Variants in LPCAT1 observed in about 807,000 individuals in gnomAD.
LPCAT1 encodes the protein lysophosphatidylcholine acyltransferase 1.
In LPCAT1, 23 loss-of-function variants were observed where a neutral mutation model predicts 60.9. That is an observed-to-expected ratio of 0.38 (90% confidence interval 0.27 to 0.53). The LOEUF is 0.53. Ranked by LOEUF, LPCAT1 falls within the 20% of genes least tolerant of loss-of-function variation. The pLI is 0.82. For synonymous variants in LPCAT1, 340 were observed against 301.1 expected (o/e 1.13, Z -1.34); for missense variants, 622 against 723.6 (o/e 0.86, Z 1.61).
rs1293152335 is a variant in LPCAT1 at position 1,487,085 on chromosome 5, G to C, written c.667+1306C>G. Among the ~76,000 whole-genome samples the C allele has an allele frequency of 6.6e-6, 1 of 152,170 alleles. No homozygotes were observed. The highest frequency in any genetic ancestry group is 1.5e-5 in the Non-Finnish European group (1 of 68,026). On this transcript the variant is annotated intron_variant, in intron 5 of 13. Coordinates refer to ENST00000283415, the MANE Select transcript of LPCAT1 (RefSeq NM_024830.5). This position sits in a 1 kb window ranked among gnomAD's most constrained non-coding sequence, Gnocchi z 6.1. ...TCCCCAGGGGCCTCCCTGCAGGCAC[G>C]AGGCTCCACTCCCGAGGAACACCTG... is the stretch of plus-strand genomic sequence containing the variant.
intron 13 of LPCAT1, among the ~76,000 whole-genome samples, chr5:1,465,555 A>G (rs944455789): frequency 2.0e-5 from 3 of 150,332 alleles, no homozygotes; most frequent in Non-Finnish European, 4.4e-5. Flanking sequence ...AACTAAACAC[A>G]CATGCCCATG....
chr5:1,467,232 A>AGC (rs1734453639), intron 12 of LPCAT1: 1 of 270,142 alleles, frequency 3.7e-6, no homozygotes, highest in Non-Finnish European at 6.9e-6. Flanking sequence ...GCCACGGGCG[A>AGC]GCGCGGCGCA....
chr5:1,467,114 T>A, intron 12 of LPCAT1: 1 of 408,690 alleles, frequency 2.4e-6, no homozygotes. Context: ...ACACAGCAGA[T>A]GCTTCTCGGG....
At chr5:1,488,476 T>G in intron 4 of LPCAT1, 25 bp from the exon 5 acceptor site, 1 of 1,512,038 alleles carries the variant, frequency 6.6e-7, no homozygotes, top group Non-Finnish European at 9.1e-7. Flanking sequence ...AAGAAAAGGA[T>G]CAGCATTAAA....
intron 1 of LPCAT1, among the ~76,000 whole-genome samples, chr5:1,503,609 C>T (rs569060186): frequency 2.0e-5 from 3 of 152,332 alleles, no homozygotes; most frequent in South Asian, 4.1e-4. Context: ...CGCGCCTGTC[C>T]GCTCCTGTCA....
chr5:1,508,264 G>A (rs141408154), intron 1 of LPCAT1, among the ~76,000 whole-genome samples: 1 of 152,332 alleles, frequency 6.6e-6, no homozygotes, highest in Non-Finnish European at 1.5e-5. Context: ...CAGGTCCCAG[G>A]CCCACTGTAT....
In LPCAT1 at chr5:1,462,888, T is replaced by G. The variant is rs1226311049; in HGVS notation, c.*763A>C. On this transcript the variant is annotated 3_prime_UTR_variant, in exon 14 of 14. Transcript: ENST00000283415. The stretch of plus-strand genomic sequence containing the variant: ...ATTAAGAAAAGCAGAAAAAGTGTTT[T>G]GGGGCTAGGCCCTTGAGTTCACACC... The G allele has an allele frequency of 2.0e-5, 3 of 152,114 alleles. No homozygotes were observed. Among genetic ancestry groups the G allele is most frequent in the African/African-American group, 7.2e-5 (3 of 41,420 alleles). 9.4% of individuals were successfully genotyped at this position (152,114 alleles called of 1,614,324 possible).
In LPCAT1 at chr5:1,483,512, G is replaced by A. The variant is rs1231058815; in HGVS notation, c.668-26C>T. 4 of 1,610,972 alleles carry A rather than the reference G, an allele frequency of 2.5e-6. No individual in the cohort carries two copies. The highest frequency in any genetic ancestry group is 1.3e-5 in the African/African-American group (1 of 74,874). On this transcript the variant is annotated intron_variant, in intron 5 of 13. Coordinates refer to ENST00000283415, the MANE Select transcript of LPCAT1 (RefSeq NM_024830.5). The surrounding 1 kb of genome is among the most constrained non-coding windows in gnomAD (Gnocchi z 9.2). ...CTGCCGAGAAAGGAACAGCGGTGTTGCCCATGGCAGCCCACGCAGGACAGC... is the reference window on the plus strand; with the variant it reads ...CTGCCGAGAAAGGAACAGCGGTGTTACCCATGGCAGCCCACGCAGGACAGC...
intron 13 of LPCAT1, among the ~76,000 whole-genome samples, chr5:1,466,218 C>T (rs868022608): frequency 6.6e-6 from 1 of 152,216 alleles, no homozygotes; most frequent in Admixed American, 6.5e-5. Flanking sequence ...CCGCCATTAC[C>T]GACAGCTCGT....
At position 1,494,691 on chromosome 5, in the gene LPCAT1, C is replaced by T. The variant is rs1051564754; in HGVS notation, c.493+9G>A. ...GGTCCCTCACTCCCAGCAGGGGTGT[C>T]TCACTCACTTCCCCAGATCGGGATG... On this transcript the variant is annotated intron_variant, in intron 3 of 13. Transcript: ENST00000283415. The T allele has an allele frequency of 1.2e-6, 2 of 1,613,358 alleles. No individual in the cohort carries two copies. The highest frequency in any genetic ancestry group is 1.7e-4 in the Middle Eastern group (1 of 6,060).
In LPCAT1 at chr5:1,483,358, A is replaced by G; in HGVS notation, c.726+70T>C. 1 of 1,480,052 alleles carries G rather than the reference A, an allele frequency of 6.8e-7. No homozygotes were observed. Among genetic ancestry groups the G allele is most frequent in the Non-Finnish European group, 9.4e-7 (1 of 1,058,500 alleles). 91.7% of individuals were successfully genotyped at this position (1,480,052 alleles called of 1,614,324 possible). On this transcript the variant is annotated intron_variant, in intron 6 of 13. Transcript: ENST00000283415. This position sits in a 1 kb window ranked among gnomAD's most constrained non-coding sequence, Gnocchi z 9.2. ...TGGAGAGACAGAGACACAGGTGCAC[A>G]GAGGCAGCTCGCAGTTCCCGTTTCC...
chr5:1,481,228 T>A lies in LPCAT1; in HGVS notation c.727-252A>T, dbSNP rs1179906265. ...ACCACCACCTTACAGGTCCCCAGAG[T>A]TCCCCCAAGATCCCCAGAGTCCCTG... On this transcript the variant is annotated intron_variant, in intron 6 of 13. Coordinates refer to ENST00000283415, the MANE Select transcript of LPCAT1 (RefSeq NM_024830.5). This position sits in a 1 kb window ranked among gnomAD's most constrained non-coding sequence, Gnocchi z 7.8. Among the ~76,000 whole-genome samples, 1 of 151,572 alleles carries A rather than the reference T, an allele frequency of 6.6e-6. No homozygotes were observed. Among genetic ancestry groups the A allele is most frequent in the African/African-American group, 2.4e-5 (1 of 41,192 alleles).
chr5:1,499,613 C>T (rs957629676), intron 2 of LPCAT1, among the ~76,000 whole-genome samples: 1 of 152,178 alleles, frequency 6.6e-6, no homozygotes, highest in Non-Finnish European at 1.5e-5. Flanking sequence ...AACTAAAGCC[C>T]GTGATGATCC....
intron 1 of LPCAT1, among the ~76,000 whole-genome samples, chr5:1,518,395 CA>C (rs1035104967): frequency 7.5e-4 from 115 of 152,354 alleles, no homozygotes; most frequent in African/African-American, 2.7e-3. Flanking sequence ...GGCTGGAGTG[CA>C]GTGGTGCGAT....
At chr5:1,508,040 C>T (rs1736239425) in intron 1 of LPCAT1, among the ~76,000 whole-genome samples, 1 of 152,214 alleles carries the variant, frequency 6.6e-6, no homozygotes, top group Admixed American at 6.5e-5. Context: ...ACAGAAGGTG[C>T]CATCTATTGA....
At chr5:1,470,403 T>C (rs189709669) in intron 12 of LPCAT1, among the ~76,000 whole-genome samples, 448 of 152,336 alleles carry the variant, frequency 2.9e-3, no homozygotes, top group Non-Finnish European at 5.2e-3. Flanking sequence ...CCAGTGGTGA[T>C]GACTGGGCTC....
chr5:1,484,229 G>C (rs1397186454), intron 5 of LPCAT1, among the ~76,000 whole-genome samples: 1 of 152,252 alleles, frequency 6.6e-6, no homozygotes, highest in African/African-American at 2.4e-5. Flanking sequence ...AGGCCGCAGA[G>C]GCTCAGGAAC....
intron 8 of LPCAT1, chr5:1,479,399 A>C (rs1300069981): frequency 1.8e-6 from 1 of 560,312 alleles, no homozygotes; most frequent in East Asian, 2.9e-5. Flanking sequence ...AAAAACAAAA[A>C]CCCAAATCTT....
At position 1,485,836 on chromosome 5, in the gene LPCAT1, T is replaced by C. The variant is rs148863166; in HGVS notation, c.668-2350A>G. ...GGGAGGCCAGGGACAGCCACATCCA[T>C]GTCTGTTCACAGCCCGTGCAGGGAG... is the stretch of plus-strand genomic sequence containing the variant. On this transcript the variant is annotated intron_variant, in intron 5 of 13. Coordinates refer to ENST00000283415, the MANE Select transcript of LPCAT1 (RefSeq NM_024830.5). Among the ~76,000 whole-genome samples the C allele has an allele frequency of 5.3e-3, 804 of 152,048 alleles. 4 individuals are homozygous for C. Among genetic ancestry groups the C allele is most frequent in the African/African-American group, 0.018 (738 of 41,480 alleles).
Sources: gnomAD v4.1 joint callset for allele counts (sites outside exome capture counted in the v4.1 genomes callset) on GRCh38, gnomAD v4.1.1 for gene constraint, Gnocchi (gnomAD v3.1) non-coding constraint, MANE v1.5 for transcripts, NCBI Gene and HGNC (gene_info 2026-07-23, HGNC 2026-07-21) for gene names.